The following ZNF687 variants were observed in gnomAD, a reference collection of about 807,000 sequenced individuals.
ZNF687 encodes zinc finger protein 687.
A neutral mutation model predicts 71.8 loss-of-function variants in ZNF687; 13 were observed. That is an observed-to-expected ratio of 0.18 (90% CI 0.12 to 0.29). The LOEUF is 0.29. Ranked by LOEUF, ZNF687 falls within the 10% of genes least tolerant of loss-of-function variation. The probability of loss-of-function intolerance (pLI) is 1.00; values close to 1 mark genes in which losing one functional copy is unlikely to be tolerated. For missense variants in ZNF687, 1,412 were observed against 1,625.6 expected, an observed-to-expected ratio of 0.87 and a Z score of 2.26; for synonymous variants, 673 against 641.6, an observed-to-expected ratio of 1.05 and a Z score of -0.74.
At chr1:151,283,785 C>T (rs1053269854) in intron 1 of ZNF687, 2 of 977,390 alleles carry the variant, frequency 2.0e-6, no homozygotes, top group Non-Finnish European at 2.4e-6. Context: ...GGAGGACTCC[C>T]CCTTTGGTTT....
rs757393665 is a variant in ZNF687 at position 151,289,173 on chromosome 1, C to T, written c.2373C>T (p.Phe791=). The change falls in exon 4 of 9, where the codon TTC becomes TTT. Residue 791 remains phenylalanine (F), a synonymous_variant. Transcript: ENST00000336715. ...SHIQTSHCEV[F]HKCPICPMAF... ...TCCAGACGTCGCACTGCGAGGTTTT[C>T]CACAAGTGCCCCATCTGCCCCATGG... The T allele has an allele frequency of 6.8e-6, 11 of 1,614,096 alleles. No homozygotes were observed. Among genetic ancestry groups the T allele is most frequent in the African/African-American group, 2.7e-5 (2 of 74,948 alleles).
rs1693801856 is a variant in ZNF687 at position 151,283,260 on chromosome 1, C to A, written c.-18+865C>A. 5 of 985,328 alleles carry A rather than the reference C, an allele frequency of 5.1e-6. No individual in the cohort carries two copies. The African/African-American group carries it at 8.7e-5, about 17-fold the overall frequency. 61.0% of individuals were successfully genotyped at this position (985,328 alleles called of 1,614,324 possible). On this transcript the variant is annotated intron_variant, in intron 1 of 8. Coordinates refer to ENST00000336715, the MANE Select transcript of ZNF687 (RefSeq NM_020832.3). ...CGTCTGCTACCCAGCTTGGCCTCAA[C>A]CTAATCGCCGCCAGCCCCTCGCCCT... is the stretch of plus-strand genomic sequence containing the variant.
chr1:151,283,885 G>C, intron 1 of ZNF687: 1 of 985,376 alleles, frequency 1.0e-6, no homozygotes, highest in Non-Finnish European at 1.2e-6. Flanking sequence ...AGAGAGGTGG[G>C]AGAGCTGGCT....
rs2101887552 is a variant in ZNF687, at chr1:151,290,743, C to G, written c.3248C>G (p.Ser1083Cys). The G allele has an allele frequency of 1.2e-6, 2 of 1,609,942 alleles. No homozygotes were observed. The highest frequency in any genetic ancestry group is 2.7e-5 in the African/African-American group (2 of 74,886). Residue 1083 changes from serine to cysteine, a missense_variant, in exon 9 of 9, where the codon TCT (serine) becomes TGT (cysteine). Around this residue, in one of 8 missense-constraint regions of ZNF687, gnomAD observed 284 missense variants for 359.2 expected, o/e 0.79. Coordinates refer to ENST00000336715, the MANE Select transcript of ZNF687 (RefSeq NM_020832.3). ...QGPGRKRRQSSDSCSEEPDST... is the reference protein window; with the variant it reads ...QGPGRKRRQSCDSCSEEPDST... ...CCAGGTCGGAAACGCCGCCAGTCTT[C>G]TGACTCTTGCAGTGAGGAGCCTGAC...
rs587616321 is a variant in ZNF687, at chr1:151,282,773, C to T, written c.-18+378C>T. Among the ~76,000 whole-genome samples the T allele has an allele frequency of 2.6e-5, 4 of 152,164 alleles. No homozygotes were observed. In the South Asian group the frequency reaches 8.3e-4, roughly 32 times the overall value. ...GCCAGGCCGGAGCAGAACCTGCACC[C>T]CGACTGGGTGCGGGTCAGCGTCCGG... On this transcript the variant is annotated intron_variant, in intron 1 of 8. Transcript: ENST00000336715.
rs1694059456 is a variant in ZNF687 at position 151,288,638 on chromosome 1, C to T, written c.2226C>T (p.Phe742=). 3 of 1,614,144 alleles carry T rather than the reference C, an allele frequency of 1.9e-6. No individual in the cohort carries two copies. The highest frequency in any genetic ancestry group is 2.2e-5 in the South Asian group (2 of 91,080). Residue 742 remains phenylalanine (F), a synonymous_variant, in exon 3 of 9, where the codon TTC becomes TTT. Coordinates refer to ENST00000336715, the MANE Select transcript of ZNF687 (RefSeq NM_020832.3). ...PHVCPECGGN[F]LQANFQTHLR... is the part of the protein sequence containing the mutation. ...TCTGTCCTGAGTGTGGGGGCAACTTCCTGCAAGCCAATTTTCAGACCCATC... is the reference window on the plus strand; with the variant it reads ...TCTGTCCTGAGTGTGGGGGCAACTTTCTGCAAGCCAATTTTCAGACCCATC...
At position 151,286,424 on chromosome 1, in the gene ZNF687, C is replaced by T; in HGVS notation, c.133C>T (p.Pro45Ser). 1 of 1,613,742 alleles carries T rather than the reference C, an allele frequency of 6.2e-7. No individual in the cohort carries two copies. ...GCCTGGAGGCCCAGGGAAGCCAGAACCAGGTGTAGGAAGTGAATCTGAAGA... is the reference window on the plus strand; with the variant it reads ...GCCTGGAGGCCCAGGGAAGCCAGAATCAGGTGTAGGAAGTGAATCTGAAGA... The part of the protein sequence containing the change: ...EGPGGPGKPE[P>S]GVGSESEDTA... Residue 45 changes from proline to serine, a missense_variant, in exon 2 of 9, where the codon CCA becomes TCA. Physicochemically the swap from Pro to Ser is moderately conservative, Grantham distance 74. Coordinates refer to ENST00000336715, the MANE Select transcript of ZNF687 (RefSeq NM_020832.3).
chr1:151,285,718 ATTTC>A (rs1693919029), intron 1 of ZNF687: 1 of 148,144 alleles, frequency 6.8e-6, no homozygotes, highest in African/African-American at 2.5e-5. Flanking sequence ...AGCCCCCTAT[ATTTC>A]TTTTTTTTGA....
chr1:151,290,406 T>C (rs748739113), intron 7 of ZNF687, 26 bp from the exon 8 acceptor site: 1 of 1,613,712 alleles, frequency 6.2e-7, no homozygotes, highest in South Asian at 1.1e-5. Flanking sequence ...GTGCCGCTGC[T>C]GCCATCCTGT....
chr1:151,286,918 G>A lies in ZNF687; in HGVS notation c.627G>A (p.Met209Ile). ...FELAQENGPG[M>I]QPPVSSPPLG... is the part of the protein sequence containing the mutation. Reference sequence around the variant, plus strand: ...TGGCCCAGGAGAATGGCCCAGGCATGCAGCCACCTGTTTCTTCCCCACCAT... The same window carrying A: ...TGGCCCAGGAGAATGGCCCAGGCATACAGCCACCTGTTTCTTCCCCACCAT... The change falls in exon 2 of 9, where the codon ATG becomes ATA. Residue 209 changes from methionine to isoleucine, a missense_variant. Physicochemically the swap from Met to Ile is conservative, Grantham distance 10 (BLOSUM62 1). This residue lies in a region of ZNF687 where 490 missense variants were observed against 489.9 expected (regional missense o/e 1.00). Transcript: ENST00000336715. 2.5e-6 allele frequency: 4 copies of A among 1,612,890 alleles called. No individual in the cohort carries two copies. Among genetic ancestry groups the A allele is most frequent in the Non-Finnish European group, 3.4e-6 (4 of 1,179,308 alleles).
Position 151,287,266 on chromosome 1 carries a change from T to C in ZNF687, c.975T>C (p.Ser325=), listed in dbSNP as rs780958342. 1.5e-5 allele frequency: 24 copies of C among 1,614,082 alleles called. No individual in the cohort carries two copies. The East Asian group carries it at 4.9e-4, about 33-fold the overall frequency. The change falls in exon 2 of 9, where the codon TCT becomes TCC. Residue 325 remains serine (S), a synonymous_variant. Transcript: ENST00000336715. The surrounding 1 kb of genome is among the most constrained non-coding windows in gnomAD (Gnocchi z 5.0). ...DSNDSPASSS[S]RPLKVRIKTI... Reference sequence around the variant, plus strand: ...ATGACTCCCCTGCCTCCAGCTCCTCTAGGCCTCTTAAGGTGCGGATCAAGA... The same window carrying C: ...ATGACTCCCCTGCCTCCAGCTCCTCCAGGCCTCTTAAGGTGCGGATCAAGA...
chr1:151,289,210 G>A lies in ZNF687; in HGVS notation c.2410G>A (p.Gly804Arg), dbSNP rs1694087461. The change falls in exon 4 of 9, where the codon GGG (glycine) becomes AGG (arginine). Residue 804 changes from glycine (G) to arginine (R), a missense_variant. By Grantham distance (125) the Gly-to-Arg change is moderately radical. This residue lies in a region of ZNF687 where 106 missense variants were observed against 146.0 expected (regional missense o/e 0.73). Transcript: ENST00000336715. ...CPICPMAFKS[G>R]PSAHAHLYSQ... ...CATCTGCCCCATGGCCTTCAAGTCT[G>A]GGCCAAGTGCCCATGCCCACCTCTA... is the stretch of plus-strand genomic sequence containing the variant. 1 of 1,614,136 alleles carries A rather than the reference G, an allele frequency of 6.2e-7. No homozygotes were observed. The highest frequency in any genetic ancestry group is 8.5e-7 in the Non-Finnish European group (1 of 1,180,044).
chr1:151,287,881 C>G lies in ZNF687; in HGVS notation c.1590C>G (p.Pro530=). The G allele has an allele frequency of 6.2e-7, 1 of 1,613,910 alleles. No homozygotes were observed. Among genetic ancestry groups the G allele is most frequent in the Non-Finnish European group, 8.5e-7 (1 of 1,180,028 alleles). ...CTGAGGCTGGGCTGGCCCTGCCTCCCACCGGCTACCGCTGCCTGGAGTGTG... is the reference window on the plus strand; with the variant it reads ...CTGAGGCTGGGCTGGCCCTGCCTCCGACCGGCTACCGCTGCCTGGAGTGTG... The part of the protein sequence containing the change: ...PPAEAGLALP[P]TGYRCLECGD... Residue 530 remains proline (P), a synonymous_variant, in exon 2 of 9, where the codon CCC becomes CCG. Coordinates refer to ENST00000336715, the MANE Select transcript of ZNF687 (RefSeq NM_020832.3). This position sits in a 1 kb window ranked among gnomAD's most constrained non-coding sequence, Gnocchi z 5.0.
At chr1:151,281,642 A>G (rs1451975804), upstream of ZNF687, 1 of 470,064 alleles carries the variant, frequency 2.1e-6, no homozygotes, top group Non-Finnish European at 4.4e-6. Context: ...CAGGAGCTGA[A>G]CCGCGCGAGG....
upstream of ZNF687, chr1:151,282,275 G>T: frequency 9.9e-7 from 1 of 1,007,154 alleles, no homozygotes; most frequent in South Asian, 3.7e-5. Context: ...GAGAGGGAGT[G>T]GGGAGGCCGA....
chr1:151,290,013 T>C lies in ZNF687; in HGVS notation c.2964+6T>C, dbSNP rs765030815. On this transcript the variant is annotated splice_donor_region_variant and intron_variant, in intron 6 of 8. Transcript: ENST00000336715. The stretch of plus-strand genomic sequence containing the variant: ...TGAAGAAGGAGCATGGCAAGGTGAG[T>C]GGGCCCCAAGGGGAGTACCATGGGC... 6.3e-7 allele frequency: 1 copy of C among 1,587,162 alleles called. No homozygotes were observed. The highest frequency in any genetic ancestry group is 1.1e-5 in the South Asian group (1 of 88,340).
chr1:151,286,776 T>C lies in ZNF687; in HGVS notation c.485T>C (p.Leu162Pro), dbSNP rs1043590609. The change falls in exon 2 of 9, where the codon CTG (leucine) becomes CCG (proline). Residue 162 changes from leucine (L) to proline (P), a missense_variant. Leu to Pro is a moderately conservative substitution (Grantham distance 98). Transcript: ENST00000336715. Reference protein sequence around the residue: ...KGMEGKTPLDLFAHFGPEPGD... With the variant: ...KGMEGKTPLDPFAHFGPEPGD... ...ATGGAAGGCAAAACTCCCTTGGACC[T>C]GTTTGCTCATTTTGGCCCTGAGCCA... 6.2e-7 allele frequency: 1 copy of C among 1,614,088 alleles called. No homozygotes were observed. Among genetic ancestry groups the C allele is most frequent in the African/African-American group, 1.3e-5 (1 of 74,936 alleles).
intron 1 of ZNF687, chr1:151,285,441 T>C (rs1024300988): frequency 6.6e-6 from 1 of 151,868 alleles, no homozygotes; most frequent in Non-Finnish European, 1.5e-5. Context: ...TCTGAGACAG[T>C]CTTGCTCTGT....
intron 1 of ZNF687, chr1:151,283,436 G>A: frequency 2.1e-6 from 1 of 473,780 alleles, no homozygotes; most frequent in Non-Finnish European, 2.8e-6. Flanking sequence ...TAGAGACAGG[G>A]CTCAGCAGTC....
Sources: allele counts gnomAD v4.1 joint callset (sites outside exome capture counted in the v4.1 genomes callset), GRCh38; gene constraint gnomAD v4.1.1; regional missense constraint gnomAD v4.1.1; non-coding constraint Gnocchi (gnomAD v3.1); transcripts MANE v1.5; gene names NCBI Gene and HGNC (gene_info 2026-07-23, HGNC 2026-07-21).